Variants in KCNQ1 observed in about 807,000 individuals in gnomAD.
KCNQ1 encodes the protein potassium voltage-gated channel subfamily Q member 1, also known as potassium voltage-gated channel subfamily KQT member 1.
Under a neutral mutation model 72.4 loss-of-function variants are expected in KCNQ1, and 49 were observed. That is an observed-to-expected ratio of 0.68 (90% CI 0.54 to 0.86). KCNQ1 has a LOEUF of 0.86. KCNQ1 is among the 40% of genes least tolerant of loss of function. The pLI, the probability that KCNQ1 is intolerant of heterozygous loss-of-function variation, is 0.00. For missense variants in KCNQ1, 790 were observed against 945.1 expected (o/e 0.84, Z 2.15); for synonymous variants, 450 against 412.6 (o/e 1.09, Z -1.10).
chr11:2,577,919 C>G (rs1459240467), intron 6 of KCNQ1, among the ~76,000 whole-genome samples: 2 of 152,120 alleles, frequency 1.3e-5, no homozygotes, highest in East Asian at 1.9e-4. Context: ...GGCCACCCCC[C>G]TAGGCCCCTT....
At chr11:2,731,648 T>C (rs942336142) in intron 11 of KCNQ1, among the ~76,000 whole-genome samples, 1 of 152,154 alleles carries the variant, frequency 6.6e-6, no homozygotes, top group African/African-American at 2.4e-5. Flanking sequence ...GGAGATCAGG[T>C]TCCTAGAATC....
Position 2,651,159 on chromosome 11 carries a change from G to C in KCNQ1, c.1394-10802G>C. 1 of 398,646 alleles carries C rather than the reference G, an allele frequency of 2.5e-6. No homozygotes were observed. 24.7% of individuals were successfully genotyped at this position (398,646 alleles called of 1,614,324 possible). A position where few individuals can be genotyped will look rare whatever the true frequency, so the allele number is the denominator to read the frequency against. On this transcript the variant is annotated intron_variant, in intron 10 of 15. Transcript: ENST00000155840. The surrounding 1 kb of genome is among the most constrained non-coding windows in gnomAD (Gnocchi z 6.1). ...AAGGGAGTTCTTTAAATGTACAGTG[G>C]ATCTTGCTGCTTCCCTACTCAAATG...
intron 11 of KCNQ1, chr11:2,692,865 A>T (rs1486022463): frequency 7.5e-6 from 3 of 398,570 alleles, no homozygotes; most frequent in Non-Finnish European, 1.3e-5. Flanking sequence ...CTGCCTGGGA[A>T]GGCACTGTGC....
rs1181346301 is a variant in KCNQ1 at position 2,498,641 on chromosome 11, T to A, written c.387-29287T>A. ...TGGGCTCCATGGGAGTGGGACCCAC[T>A]GAGTGAGACCACTTGGCTTCCTGGC... On this transcript the variant is annotated intron_variant, in intron 1 of 15. Coordinates refer to ENST00000155840, the MANE Select transcript of KCNQ1 (RefSeq NM_000218.3). The surrounding 1 kb of genome is among the most constrained non-coding windows in gnomAD (Gnocchi z 4.8). 6.6e-6 allele frequency among the ~76,000 whole-genome samples: 1 copy of A among 152,216 alleles called. No individual in the cohort carries two copies. The highest frequency in any genetic ancestry group is 1.9e-4 in the East Asian group (1 of 5,192).
chr11:2,773,644 G>C (rs1178011023), intron 12 of KCNQ1, among the ~76,000 whole-genome samples: 1 of 151,652 alleles, frequency 6.6e-6, no homozygotes, highest in African/African-American at 2.4e-5. Flanking sequence ...GAAGATCAAG[G>C]CTCAGTATTC....
chr11:2,582,852 G>T (rs928369890), intron 6 of KCNQ1, among the ~76,000 whole-genome samples: 50 of 152,182 alleles, frequency 3.3e-4, no homozygotes, highest in Admixed American at 2.5e-3. Context: ...CCAGCGCGGG[G>T]GAAAGGGTGG....
chr11:2,842,223 G>A (rs536874954), intron 15 of KCNQ1, among the ~76,000 whole-genome samples: 7 of 152,304 alleles, frequency 4.6e-5, no homozygotes, highest in East Asian at 1.9e-4. Flanking sequence ...CTGCCACGAC[G>A]CTCGACTCTC....
rs557911287 is a variant in KCNQ1, at chr11:2,593,679, T to C, written c.1393+4825T>C. Among the ~76,000 whole-genome samples, 10 of 152,270 alleles carry C rather than the reference T, an allele frequency of 6.6e-5. No individual in the cohort carries two copies. The highest frequency in any genetic ancestry group is 1.9e-4 in the African/African-American group (8 of 41,554). ...CTCGTGTGTGTGCTTTCTGGAGGCA[T>C]GCGTCATGGAACAGCCTCACCTCTC... On this transcript the variant is annotated intron_variant, in intron 10 of 15. Coordinates refer to ENST00000155840, the MANE Select transcript of KCNQ1 (RefSeq NM_000218.3). This position sits in a 1 kb window ranked among gnomAD's most constrained non-coding sequence, Gnocchi z 6.9.
intron 6 of KCNQ1, among the ~76,000 whole-genome samples, chr11:2,573,790 G>A (rs928384962): frequency 2.6e-5 from 4 of 152,226 alleles, no homozygotes; most frequent in Admixed American, 1.3e-4. Flanking sequence ...GGCCGTGTCT[G>A]TGGGGGCTTC....
chr11:2,685,757 C>T (rs1210563923), intron 11 of KCNQ1: 7 of 398,562 alleles, frequency 1.8e-5, no homozygotes, highest in Non-Finnish European at 2.7e-5. Context: ...AGGCAGGCAT[C>T]CTCCCAGGTG....
At chr11:2,554,512 G>A (rs576834356) in intron 2 of KCNQ1, among the ~76,000 whole-genome samples, 4 of 152,320 alleles carry the variant, frequency 2.6e-5, no homozygotes, top group African/African-American at 9.6e-5. Flanking sequence ...CATCTGCAGG[G>A]GGACCCTCCT....
Position 2,600,019 on chromosome 11 carries a change from C to T in KCNQ1, c.1393+11165C>T, listed in dbSNP as rs938233631. Among the ~76,000 whole-genome samples the T allele has an allele frequency of 6.6e-6, 1 of 152,236 alleles. No individual in the cohort carries two copies. Among genetic ancestry groups the T allele is most frequent in the Non-Finnish European group, 1.5e-5 (1 of 68,048 alleles). On this transcript the variant is annotated intron_variant, in intron 10 of 15. Transcript: ENST00000155840. The surrounding 1 kb of genome is among the most constrained non-coding windows in gnomAD (Gnocchi z 5.6). ...TCGTTTTGTCTGACCTTGAATTCCA[C>T]AGGCAGGGTTCCTCTTTCCCGGCCG...
At chr11:2,763,574 A>G (rs1846446743) in intron 11 of KCNQ1, among the ~76,000 whole-genome samples, 1 of 152,222 alleles carries the variant, frequency 6.6e-6, no homozygotes, top group Non-Finnish European at 1.5e-5. Context: ...ACTAGCATAT[A>G]GAAATATACA....
In KCNQ1 at chr11:2,507,559, T is replaced by G. The variant is rs1847126258; in HGVS notation, c.387-20369T>G. Among the ~76,000 whole-genome samples, 1 of 152,056 alleles carries G rather than the reference T, an allele frequency of 6.6e-6. No homozygotes were observed. ...CCCTCGCACCTGGGAGGATGCACTT[T>G]CTGTTTCTGACATGGGTCAGGGTTG... On this transcript the variant is annotated intron_variant, in intron 1 of 15. Transcript: ENST00000155840. The surrounding 1 kb of genome is among the most constrained non-coding windows in gnomAD (Gnocchi z 5.4).
At chr11:2,456,604 A>G (rs1228585464) in intron 1 of KCNQ1, among the ~76,000 whole-genome samples, 4 of 151,914 alleles carry the variant, frequency 2.6e-5, no homozygotes, top group Non-Finnish European at 5.9e-5. Flanking sequence ...CAAATCAACA[A>G]GCAAAAAAAC....
chr11:2,844,823 A>G lies in KCNQ1; in HGVS notation c.1795-2944A>G, dbSNP rs185498981. Reference sequence around the variant, plus strand: ...AACCACAAATGTTCATCTGTGATGTATTTGGTGCTTTAATTAATGCCAAAC... The same window carrying G: ...AACCACAAATGTTCATCTGTGATGTGTTTGGTGCTTTAATTAATGCCAAAC... On this transcript the variant is annotated intron_variant, in intron 15 of 15. Coordinates refer to ENST00000155840, the MANE Select transcript of KCNQ1 (RefSeq NM_000218.3). Among the ~76,000 whole-genome samples the G allele has an allele frequency of 2.0e-4, 31 of 152,354 alleles. 1 individual carries two copies. Among genetic ancestry groups the G allele is most frequent in the African/African-American group, 7.2e-4 (30 of 41,588 alleles).
chr11:2,515,405 AGCCCCTGGCCCAGGGGCG>A lies in KCNQ1; in HGVS notation c.387-12521_387-12504del, dbSNP rs1200630617. Among the ~76,000 whole-genome samples, 5 of 51,884 alleles carry A rather than the reference AGCCCCTGGCCCAGGGGCG, an allele frequency of 9.6e-5. No individual in the cohort carries two copies. The highest frequency in any genetic ancestry group is 9.9e-4 in the South Asian group (2 of 2,014). The allele number at this position is 51,884 out of a possible 152,430, so 34.0% of individuals were successfully genotyped here. ...GCCTGCCCTGTGTGAGGGAGGGCGG[AGCCCCTGGCCCAGGGGCG>A]GGGAGGCCTGTCCACCCCTCCCACC... On this transcript the variant is annotated intron_variant, in intron 1 of 15. Coordinates refer to ENST00000155840, the MANE Select transcript of KCNQ1 (RefSeq NM_000218.3). The surrounding 1 kb of genome is among the most constrained non-coding windows in gnomAD (Gnocchi z 4.7).
intron 10 of KCNQ1, chr11:2,646,702 G>C (rs974207201): frequency 2.5e-6 from 1 of 398,392 alleles, no homozygotes; most frequent in East Asian, 3.6e-5. Flanking sequence ...TTTTTGTACT[G>C]ATGAGGTTTT....
chr11:2,789,938 A>G (rs904817785), intron 15 of KCNQ1, among the ~76,000 whole-genome samples: 1 of 152,156 alleles, frequency 6.6e-6, no homozygotes. Flanking sequence ...CTCCCCACTC[A>G]GAGGCTCCTC....
Sources: gnomAD v4.1 joint callset for allele counts (sites outside exome capture counted in the v4.1 genomes callset) on GRCh38, gnomAD v4.1.1 for gene constraint, Gnocchi (gnomAD v3.1) non-coding constraint, MANE v1.5 for transcripts, NCBI Gene and HGNC (gene_info 2026-07-23, HGNC 2026-07-21) for gene names.